The following NRXN1 variants were observed in gnomAD, a reference collection of about 807,000 sequenced individuals.
The protein encoded by NRXN1 is neurexin 1.
In NRXN1, 39 loss-of-function variants were observed where a neutral mutation model predicts 150.9. That is an observed-to-expected ratio of 0.26 (90% CI 0.20 to 0.34). The LOEUF is 0.34. Among genes scored for constraint, NRXN1 ranks in the 10% least tolerant of loss-of-function variants. NRXN1 has a pLI of 1.00. For synonymous variants in NRXN1, 924 were observed against 757.0 expected, an observed-to-expected ratio of 1.22 and a Z score of -3.62; for missense variants, 1,815 against 1,949.9, an observed-to-expected ratio of 0.93 and a Z score of 1.30.
chr2:50,736,834 G>C (rs892955532), intron 5 of NRXN1, among the ~76,000 whole-genome samples: 4 of 152,156 alleles, frequency 2.6e-5, no homozygotes, highest in Non-Finnish European at 5.9e-5. Context: ...AAAGAGGGCA[G>C]AAACCATGAC....
chr2:50,191,275 A>G (rs1274496351), intron 18 of NRXN1, among the ~76,000 whole-genome samples: 1 of 151,366 alleles, frequency 6.6e-6, no homozygotes, highest in Non-Finnish European at 1.5e-5. Flanking sequence ...CCTGACCTCA[A>G]ATGATCCACC....
chr2:50,177,770 ACTAACTCTCTCTCT>A (rs1330422806), intron 18 of NRXN1, among the ~76,000 whole-genome samples: 2 of 107,188 alleles, frequency 1.9e-5, no homozygotes, highest in African/African-American at 7.0e-5. Flanking sequence ...AAACTAACTA[ACTAACTCTCTCTCT>A]CTCTCTCTCT....
chr2:50,348,126 A>G (rs1657824629), intron 17 of NRXN1, among the ~76,000 whole-genome samples: 1 of 152,226 alleles, frequency 6.6e-6, no homozygotes, highest in African/African-American at 2.4e-5. Context: ...AACTTGTTCT[A>G]CCAGGTGTTT....
intron 8 of NRXN1, among the ~76,000 whole-genome samples, chr2:50,611,179 T>C (rs1321709207): frequency 1.3e-5 from 2 of 152,042 alleles, no homozygotes; most frequent in African/African-American, 4.8e-5. Context: ...GTCTCAGACA[T>C]TGTTCATTGC....
chr2:49,953,580 G>T (rs909399787), intron 21 of NRXN1, among the ~76,000 whole-genome samples: 1 of 151,916 alleles, frequency 6.6e-6, no homozygotes, highest in Non-Finnish European at 1.5e-5. Flanking sequence ...CAGAATTCAA[G>T]TCTCACTTTT....
chr2:50,579,613 C>T (rs1255753224), intron 8 of NRXN1, among the ~76,000 whole-genome samples: 1 of 152,126 alleles, frequency 6.6e-6, no homozygotes. Flanking sequence ...CACACCACTG[C>T]ACTTAAGCCT....
At chr2:50,702,124 G>A (rs1323312564) in intron 5 of NRXN1, among the ~76,000 whole-genome samples, 1 of 152,030 alleles carries the variant, frequency 6.6e-6, no homozygotes. Context: ...AGCATTACAT[G>A]GTCAGGTAAG....
chr2:50,354,517 A>T (rs1350330402), intron 17 of NRXN1, among the ~76,000 whole-genome samples: 1 of 146,872 alleles, frequency 6.8e-6, no homozygotes, highest in Admixed American at 6.9e-5. Flanking sequence ...ATGTGTGTGT[A>T]TCTATATATA....
chr2:50,026,756 A>G (rs1370062076), intron 21 of NRXN1, among the ~76,000 whole-genome samples: 1 of 151,794 alleles, frequency 6.6e-6, no homozygotes, highest in East Asian at 1.9e-4. Context: ...TCACCCGAAA[A>G]TGAAGCATGA....
intron 15 of NRXN1, among the ~76,000 whole-genome samples, chr2:50,482,868 G>A (rs962604846): frequency 4.6e-5 from 7 of 151,482 alleles, no homozygotes; most frequent in African/African-American, 1.7e-4. Flanking sequence ...GGCTGTGGCG[G>A]GAAGAAACCC....
At chr2:50,621,776 G>A (rs924630172) in intron 6 of NRXN1, among the ~76,000 whole-genome samples, 7 of 151,960 alleles carry the variant, frequency 4.6e-5, no homozygotes, top group African/African-American at 2.4e-5. Context: ...AACTTCCTTC[G>A]GTCATATTGA....
At chr2:50,145,137 T>C (rs185336291) in intron 18 of NRXN1, among the ~76,000 whole-genome samples, 1 of 151,822 alleles carries the variant, frequency 6.6e-6, no homozygotes, top group African/African-American at 2.4e-5. Context: ...AACCTTTAGA[T>C]CTATGATTTT....
At chr2:50,555,295 T>C (rs905844794) in intron 8 of NRXN1, among the ~76,000 whole-genome samples, 1 of 152,074 alleles carries the variant, frequency 6.6e-6, no homozygotes, top group Non-Finnish European at 1.5e-5. Flanking sequence ...AACAAGTGGG[T>C]TTTAGCCCTG....
chr2:50,250,897 G>A (rs536506829), intron 17 of NRXN1, among the ~76,000 whole-genome samples: 6 of 150,246 alleles, frequency 4.0e-5, no homozygotes, highest in Admixed American at 1.3e-4. Context: ...TATTACATAT[G>A]TAATTGTATA....
At chr2:50,065,751 T>G (rs1695263021) in intron 19 of NRXN1, among the ~76,000 whole-genome samples, 1 of 152,108 alleles carries the variant, frequency 6.6e-6, no homozygotes, top group Admixed American at 6.6e-5. Context: ...TGTCTTTACC[T>G]CTAACCTATA....
chr2:50,923,797 T>C lies in NRXN1; in HGVS notation c.791-1110A>G, dbSNP rs111851587. The stretch of plus-strand genomic sequence containing the variant: ...ATTTGAGCTATATAACATTACACAT[T>C]GGTTTCATCAGTATTTAAATTATCT... On this transcript the variant is annotated intron_variant, in intron 3 of 22. Coordinates refer to ENST00000401669, the MANE Select transcript of NRXN1 (RefSeq NM_001330078.2). Among the ~76,000 whole-genome samples, 299 of 151,968 alleles carry C rather than the reference T, an allele frequency of 2.0e-3. 4 individuals carry two copies. The highest frequency in any genetic ancestry group is 7.0e-3 in the African/African-American group (291 of 41,534).
At position 49,921,737 on chromosome 2, in the gene NRXN1, C is replaced by T; in HGVS notation, c.*207G>A. The T allele has an allele frequency of 1.7e-6, 1 of 571,620 alleles. No homozygotes were observed. Among genetic ancestry groups the T allele is most frequent in the Non-Finnish European group, 3.0e-6 (1 of 328,620 alleles). The allele number at this position is 571,620 out of a possible 1,614,324, so 35.4% of individuals were successfully genotyped here. A position where few individuals can be genotyped will look rare whatever the true frequency, so the allele number is the denominator to read the frequency against. ...CTGTGGATGTTAGGGAATTTATTGG[C>T]CCCTGTTTTTTGTTTTTTGTTTTTC... On this transcript the variant is annotated 3_prime_UTR_variant, in exon 23 of 23. Transcript: ENST00000401669.
rs184837181 is a variant in NRXN1, at chr2:50,469,170, C to G, written c.3244+3128G>C. 1.3e-4 allele frequency among the ~76,000 whole-genome samples: 19 copies of G among 151,542 alleles called. No homozygotes were observed. In the East Asian group the frequency reaches 3.1e-3, roughly 25 times the overall value. Reference sequence around the variant, plus strand: ...ATCTCAGATCTATTGAATTAGAAACCCTGGGGGTTGTAATCTAGTGATTTG... The same window carrying G: ...ATCTCAGATCTATTGAATTAGAAACGCTGGGGGTTGTAATCTAGTGATTTG... On this transcript the variant is annotated intron_variant, in intron 16 of 22. Coordinates refer to ENST00000401669, the MANE Select transcript of NRXN1 (RefSeq NM_001330078.2).
chr2:50,274,780 A>G (rs966198623), intron 17 of NRXN1, among the ~76,000 whole-genome samples: 1 of 150,210 alleles, frequency 6.7e-6, no homozygotes, highest in African/African-American at 2.4e-5. Flanking sequence ...CCTTTCAACT[A>G]CTTAAAAAAA....
Sources: allele counts gnomAD v4.1 joint callset (sites outside exome capture counted in the v4.1 genomes callset), GRCh38; gene constraint gnomAD v4.1.1; transcripts MANE v1.5; gene names NCBI Gene and HGNC (gene_info 2026-07-23, HGNC 2026-07-21).